ZFYVE28: variants seen among roughly 807,000 people sequenced by gnomAD.
The protein encoded by ZFYVE28 is lateral signaling target protein 2 homolog.
In ZFYVE28, 40 loss-of-function variants were observed where a neutral mutation model predicts 82.1. The ratio of observed to expected loss-of-function variants is 0.49; its 90% CI spans 0.38 to 0.63. The LOEUF (loss-of-function observed/expected upper bound fraction) is 0.63, where lower values mean the gene tolerates loss of function less well. ZFYVE28 is among the 30% of genes least tolerant of loss of function. The pLI, the probability that ZFYVE28 is intolerant of heterozygous loss-of-function variation, is 0.00. For synonymous variants in ZFYVE28, 612 were observed against 546.1 expected (o/e 1.12, Z -1.68); for missense variants, 1,321 against 1,242.1 (o/e 1.06, Z -0.96).
chr4:2,381,118 G>A (rs1016904959), intron 1 of ZFYVE28, among the ~76,000 whole-genome samples: 2 of 152,110 alleles, frequency 1.3e-5, no homozygotes, highest in African/African-American at 4.8e-5. Flanking sequence ...TAGCAACATG[G>A]ACAATAAGGT....
intron 8 of ZFYVE28, among the ~76,000 whole-genome samples, chr4:2,281,791 T>C (rs892408629): frequency 4.6e-5 from 7 of 152,216 alleles, no homozygotes; most frequent in Admixed American, 6.5e-5. Flanking sequence ...CTGTGGCCAG[T>C]TGCTGAACAG....
intron 6 of ZFYVE28, among the ~76,000 whole-genome samples, chr4:2,327,991 A>C (rs1490192362): frequency 6.6e-6 from 1 of 152,246 alleles, no homozygotes. Flanking sequence ...TATGGAAAAC[A>C]GTATAGAGGT....
intron 1 of ZFYVE28, among the ~76,000 whole-genome samples, chr4:2,413,520 C>CCT (rs146730256): frequency 0.021 from 3,139 of 152,334 alleles, 83 homozygotes; most frequent in African/African-American, 0.066. Flanking sequence ...TCCTGAGCCC[C>CCT]CTCCGTGCCA....
chr4:2,408,853 G>A lies in ZFYVE28; in HGVS notation c.39+9432C>T, dbSNP rs918368645. Among the ~76,000 whole-genome samples the A allele has an allele frequency of 1.3e-5, 2 of 152,192 alleles. No homozygotes were observed. Among genetic ancestry groups the A allele is most frequent in the African/African-American group, 2.4e-5 (1 of 41,430 alleles). On this transcript the variant is annotated intron_variant, in intron 1 of 12. Transcript: ENST00000290974. This position sits in a 1 kb window ranked among gnomAD's most constrained non-coding sequence, Gnocchi z 4.3. ...GGGCTGATCCACCCAATCCTGACGT[G>A]GGGCAGCAGTGATGGTTTGAAGCTC...
chr4:2,291,284 C>T (rs890639197), intron 8 of ZFYVE28, among the ~76,000 whole-genome samples: 1 of 152,194 alleles, frequency 6.6e-6, no homozygotes, highest in South Asian at 2.1e-4. Flanking sequence ...GCTTGGCTTT[C>T]GAGAAGGGGC....
intron 6 of ZFYVE28, among the ~76,000 whole-genome samples, chr4:2,326,015 T>C (rs576415525): frequency 2.0e-5 from 3 of 152,212 alleles, no homozygotes; most frequent in Admixed American, 6.5e-5. Context: ...ATAGGTTGTC[T>C]TTGCACCCTG....
chr4:2,352,235 C>T (rs1724576386), intron 2 of ZFYVE28, among the ~76,000 whole-genome samples: 1 of 152,096 alleles, frequency 6.6e-6, no homozygotes, highest in Non-Finnish European at 1.5e-5. Flanking sequence ...GGAGGAACAC[C>T]GGGGAGCACA....
At chr4:2,402,120 G>A (rs1346258552) in intron 1 of ZFYVE28, among the ~76,000 whole-genome samples, 1 of 152,244 alleles carries the variant, frequency 6.6e-6, no homozygotes, top group African/African-American at 2.4e-5. Context: ...CGCTGGAGGA[G>A]GGACTTGCTC....
rs1377052082 is a variant in ZFYVE28 at position 2,416,320 on chromosome 4, A to G, written c.39+1965T>C. ...TTATTTTTCCTTCCTTTTCAACACG[A>G]TTAGAAGGGTGATCCCCCAAATGCG... is the stretch of plus-strand genomic sequence containing the variant. On this transcript the variant is annotated intron_variant, in intron 1 of 12. Coordinates refer to ENST00000290974, the MANE Select transcript of ZFYVE28 (RefSeq NM_020972.3). This position sits in a 1 kb window ranked among gnomAD's most constrained non-coding sequence, Gnocchi z 4.6. Among the ~76,000 whole-genome samples, 4 of 152,162 alleles carry G rather than the reference A, an allele frequency of 2.6e-5. No homozygotes were observed. Among genetic ancestry groups the G allele is most frequent in the Admixed American group, 2.6e-4 (4 of 15,274 alleles).
At position 2,408,850 on chromosome 4, in the gene ZFYVE28, CG is replaced by C. The variant is rs1241794863; in HGVS notation, c.39+9434del. On this transcript the variant is annotated intron_variant, in intron 1 of 12. Coordinates refer to ENST00000290974, the MANE Select transcript of ZFYVE28 (RefSeq NM_020972.3). This position sits in a 1 kb window ranked among gnomAD's most constrained non-coding sequence, Gnocchi z 4.3. ...CACGGGCTGATCCACCCAATCCTGA[CG>C]TGGGGCAGCAGTGATGGTTTGAAGC... Among the ~76,000 whole-genome samples, 1 of 152,212 alleles carries C rather than the reference CG, an allele frequency of 6.6e-6. No homozygotes were observed. The highest frequency in any genetic ancestry group is 1.5e-5 in the Non-Finnish European group (1 of 68,036).
intron 7 of ZFYVE28, among the ~76,000 whole-genome samples, chr4:2,312,632 G>A (rs955552595): frequency 1.3e-5 from 2 of 150,068 alleles, no homozygotes; most frequent in Non-Finnish European, 2.9e-5. Flanking sequence ...GGAGGCTGAG[G>A]CAGGAGAATG....
intron 4 of ZFYVE28, among the ~76,000 whole-genome samples, chr4:2,338,852 T>A (rs769488896): frequency 3.3e-5 from 5 of 152,064 alleles, no homozygotes; most frequent in African/African-American, 7.3e-5. Flanking sequence ...TGAGATGCAG[T>A]CTCGCTCTCT....
At chr4:2,363,219 G>A (rs527690143) in intron 1 of ZFYVE28, among the ~76,000 whole-genome samples, 1 of 152,272 alleles carries the variant, frequency 6.6e-6, no homozygotes, top group African/African-American at 2.4e-5. Flanking sequence ...CTGTGGGAGT[G>A]GCATAGCTCA....
chr4:2,393,987 TG>T (rs1164785939), intron 1 of ZFYVE28, among the ~76,000 whole-genome samples: 4 of 152,226 alleles, frequency 2.6e-5, no homozygotes, highest in Non-Finnish European at 2.9e-5. Context: ...GCGTGCCTTC[TG>T]GAGGCTCCAG....
At chr4:2,380,487 A>G (rs1728618602) in intron 1 of ZFYVE28, among the ~76,000 whole-genome samples, 1 of 152,204 alleles carries the variant, frequency 6.6e-6, no homozygotes, top group Non-Finnish European at 1.5e-5. Context: ...TCCTTCTTCA[A>G]TTTTATTGAA....
Position 2,392,872 on chromosome 4 carries a change from C to T in ZFYVE28, c.39+25413G>A, listed in dbSNP as rs186254753. ...GGCCCTGTGAGTTTAATGAGAATCG[C>T]ACTTCACACACCTCAGCTGTAAGGA... is the stretch of plus-strand genomic sequence containing the variant. On this transcript the variant is annotated intron_variant, in intron 1 of 12. Coordinates refer to ENST00000290974, the MANE Select transcript of ZFYVE28 (RefSeq NM_020972.3). 7.4e-3 allele frequency among the ~76,000 whole-genome samples: 1,129 copies of T among 152,276 alleles called. 15 individuals are homozygous for T. The highest frequency in any genetic ancestry group is 0.012 in the Non-Finnish European group (810 of 68,024).
chr4:2,326,999 C>G (rs1719930943), intron 6 of ZFYVE28, among the ~76,000 whole-genome samples: 1 of 151,804 alleles, frequency 6.6e-6, no homozygotes, highest in Non-Finnish European at 1.5e-5. Context: ...CGCCTATAAT[C>G]CCAGCACTTT....
At chr4:2,317,450 G>C (rs1481308398) in intron 7 of ZFYVE28, among the ~76,000 whole-genome samples, 1 of 152,188 alleles carries the variant, frequency 6.6e-6, no homozygotes, top group Non-Finnish European at 1.5e-5. Context: ...AGTAGGTTGA[G>C]GTTTGGCTGC....
chr4:2,289,985 A>G (rs554623635), intron 8 of ZFYVE28, among the ~76,000 whole-genome samples: 2 of 152,226 alleles, frequency 1.3e-5, no homozygotes, highest in Admixed American at 1.3e-4. Context: ...GGGAGGACAG[A>G]CACAGACAGA....
Sources: allele counts gnomAD v4.1 joint callset (sites outside exome capture counted in the v4.1 genomes callset), GRCh38; gene constraint gnomAD v4.1.1; non-coding constraint Gnocchi (gnomAD v3.1); transcripts MANE v1.5; gene names NCBI Gene and HGNC (gene_info 2026-07-23, HGNC 2026-07-21).